The following POFUT3 variants were observed in gnomAD, a reference collection of about 807,000 sequenced individuals.
POFUT3 encodes protein O-fucosyltransferase 3, also known as GDP-fucose protein O-fucosyltransferase 3.
At chr8:33,441,672 C>T in the POFUT3 span, among the ~76,000 whole-genome samples, 1 of 151,966 alleles carries the variant, frequency 6.6e-6, no homozygotes, top group Non-Finnish European at 1.5e-5. Context: ...CGAGCCACTG[C>T]ACCCAGCCTT....
the POFUT3 span, among the ~76,000 whole-genome samples, chr8:33,453,748 C>G: frequency 6.6e-6 from 1 of 152,054 alleles, no homozygotes; most frequent in African/African-American, 2.4e-5. Context: ...GAGATTGAGA[C>G]CAGCCTGGCC....
the POFUT3 span, among the ~76,000 whole-genome samples, chr8:33,390,725 G>T: frequency 1.3e-5 from 2 of 152,112 alleles, no homozygotes; most frequent in African/African-American, 4.8e-5. Context: ...CTATGTTACA[G>T]ACCACTGCAG....
the POFUT3 span, among the ~76,000 whole-genome samples, chr8:33,374,722 T>TA: frequency 4.0e-3 from 609 of 152,058 alleles, 4 homozygotes; most frequent in African/African-American, 0.014. Context: ...AAATATTCTG[T>TA]AAAAAAAATT....
At chr8:33,409,492 C>T in the POFUT3 span, among the ~76,000 whole-genome samples, 6 of 152,200 alleles carry the variant, frequency 3.9e-5, no homozygotes, top group Admixed American at 6.5e-5. Context: ...ATTTAAAATT[C>T]ATCGGAATTT....
the POFUT3 span, among the ~76,000 whole-genome samples, chr8:33,345,383 ATG>A: frequency 6.7e-6 from 1 of 149,824 alleles, no homozygotes; most frequent in Non-Finnish European, 1.5e-5. Flanking sequence ...TAATCACCAC[ATG>A]TGGTATATTT....
the POFUT3 span, among the ~76,000 whole-genome samples, chr8:33,388,188 G>C: frequency 4.6e-5 from 7 of 152,112 alleles, no homozygotes; most frequent in South Asian, 1.4e-3. Context: ...GTAAATATTA[G>C]AGCAGCAAGC....
the POFUT3 span, among the ~76,000 whole-genome samples, chr8:33,445,214 G>C: frequency 1.3e-5 from 2 of 152,100 alleles, no homozygotes; most frequent in Admixed American, 1.3e-4. Flanking sequence ...GACTACAGGT[G>C]TGAGCCATTG....
chr8:33,319,230 T>A, the POFUT3 span, among the ~76,000 whole-genome samples: 1 of 45,608 alleles, frequency 2.2e-5, no homozygotes, highest in African/African-American at 1.5e-4. Flanking sequence ...TTTATATATT[T>A]TACATAATAT....
the POFUT3 span, among the ~76,000 whole-genome samples, chr8:33,421,413 T>A: frequency 1.3e-5 from 2 of 152,264 alleles, no homozygotes; most frequent in African/African-American, 4.8e-5. Context: ...CTCCTCCATG[T>A]GGTCATATCC....
At chr8:33,333,502 T>A in the POFUT3 span, among the ~76,000 whole-genome samples, 7 of 152,232 alleles carry the variant, frequency 4.6e-5, no homozygotes, top group South Asian at 1.5e-3. Context: ...TGGGGAATCA[T>A]ATAATGAAGG....
chr8:33,425,142 C>G, the POFUT3 span, among the ~76,000 whole-genome samples: 1 of 151,976 alleles, frequency 6.6e-6, no homozygotes, highest in African/African-American at 2.4e-5. Context: ...TCAAGACCAG[C>G]CTGGGCAACA....
At chr8:33,404,174 C>A in the POFUT3 span, among the ~76,000 whole-genome samples, 1 of 151,992 alleles carries the variant, frequency 6.6e-6, no homozygotes, top group Non-Finnish European at 1.5e-5. Context: ...CCCGTCTTGA[C>A]TAAAAATACA....
chr8:33,453,079 G>T, the POFUT3 span: 1 of 841,752 alleles, frequency 1.2e-6, no homozygotes, highest in East Asian at 2.6e-5. Flanking sequence ...GCCTTCCACA[G>T]AGCAAATGCA....
At chr8:33,460,686 G>A in the POFUT3 span, 265 of 978,222 alleles carry the variant, frequency 2.7e-4, 1 homozygote, top group African/African-American at 4.5e-3. Flanking sequence ...TCTACAACCA[G>A]GAGCTTACGA....
At chr8:33,416,711 T>C in the POFUT3 span, among the ~76,000 whole-genome samples, 25 of 151,478 alleles carry the variant, frequency 1.7e-4, no homozygotes, top group African/African-American at 5.8e-4. Context: ...CTGGGTGTGG[T>C]GCCGCATGCC....
chr8:33,461,656 C>G, the POFUT3 span: 1 of 1,519,884 alleles, frequency 6.6e-7, no homozygotes, highest in African/African-American at 1.4e-5. Flanking sequence ...GAGGAAGCAG[C>G]ATGCAGTCTT....
the POFUT3 span, chr8:33,461,333 G>T: frequency 6.4e-7 from 1 of 1,566,514 alleles, no homozygotes; most frequent in Non-Finnish European, 8.7e-7. Context: ...CATGGCAAAG[G>T]CCCAGCTATC....
At chr8:33,452,101 A>ATG in the POFUT3 span, 1 of 151,764 alleles carries the variant, frequency 6.6e-6, no homozygotes, top group Admixed American at 6.6e-5. Context: ...ATGTATATAT[A>ATG]TATGTGTGTG....
chr8:33,399,943 T>G, the POFUT3 span, among the ~76,000 whole-genome samples: 1 of 151,442 alleles, frequency 6.6e-6, no homozygotes, highest in Admixed American at 6.6e-5. Flanking sequence ...CGTGAGCCAC[T>G]GAGCCCAGCC....
Sources: gnomAD v4.1 joint callset for allele counts (sites outside exome capture counted in the v4.1 genomes callset) on GRCh38, gnomAD v4.1.1 for gene constraint, MANE v1.5 for transcripts, NCBI Gene and HGNC (gene_info 2026-07-23, HGNC 2026-07-21) for gene names.